The following MAP3K15 variants were observed in gnomAD, a reference collection of about 807,000 sequenced individuals.
MAP3K15 encodes the protein MAPK/ERK kinase kinase 15.
Under a neutral mutation model 99.5 loss-of-function variants are expected in MAP3K15, and 124 were observed. The observed-to-expected ratio is 1.25, with a 90% confidence interval of 1.08 to 1.45. The LOEUF (loss-of-function observed/expected upper bound fraction) is 1.45, where lower values mean the gene tolerates loss of function less well. MAP3K15 is among the 40% of genes most tolerant of loss of function. The pLI is 0.00. For missense variants in MAP3K15, 1,242 were observed against 1,079.7 expected (o/e 1.15, Z -2.11); for synonymous variants, 494 against 439.6 (o/e 1.12, Z -1.55).
intron 6 of MAP3K15, among the ~76,000 whole-genome samples, chrX:19,445,950 A>AAATC (rs151227342): frequency 3.8e-4 from 4 of 10,454 alleles, no homozygotes; most frequent in South Asian, 0.013. Flanking sequence ...TCCATCTCAA[A>AAATC]AATCAATAAA....
In MAP3K15 at chrX:19,362,731, GACTT is replaced by G; in HGVS notation, c.3679+3_3679+6del. 2 of 1,021,741 alleles carry G rather than the reference GACTT, an allele frequency of 2.0e-6. No homozygotes were observed. Among genetic ancestry groups the G allele is most frequent in the Non-Finnish European group, 2.7e-6 (2 of 731,147 alleles). 84.2% of individuals were successfully genotyped at this position (1,021,741 alleles called of 1,213,427 possible). ...GTTAAAGTCTGTCTCATTGGAAAAT[GACTT>G]ACAATTCGATTTTAATTTTAACTGA... On this transcript the variant is annotated splice_donor_5th_base_variant and intron_variant, in intron 26 of 28. Transcript: ENST00000338883.
chrX:19,380,709 A>G (rs1164357353), intron 18 of MAP3K15, among the ~76,000 whole-genome samples: 1 of 112,086 alleles, frequency 8.9e-6, no homozygotes, highest in Non-Finnish European at 1.9e-5. Context: ...TATTTTTAGT[A>G]GAGACGAGGT....
intron 25 of MAP3K15, among the ~76,000 whole-genome samples, chrX:19,364,000 A>G (rs1230799019): frequency 1.8e-5 from 2 of 111,468 alleles, no homozygotes; most frequent in African/African-American, 6.5e-5. Flanking sequence ...TGAGTGAGAC[A>G]TGCTGCTCTG....
At chrX:19,443,022 CTTTTTTTTTTTTTTTTT>C (rs35963207) in intron 6 of MAP3K15, among the ~76,000 whole-genome samples, 1 of 17,237 alleles carries the variant, frequency 5.8e-5, no homozygotes, top group Non-Finnish European at 8.9e-5. Context: ...CCATGCCCGG[CTTTTTTTTTTTTTTTTT>C]TTTTTTTTTT....
intron 15 of MAP3K15, 133 bp from the exon 16 acceptor site, chrX:19,395,341 G>T: frequency 3.1e-6 from 2 of 640,419 alleles, no homozygotes; most frequent in Non-Finnish European, 4.7e-6. Context: ...TGGCTTCCAT[G>T]AAACTATTCA....
At chrX:19,478,543 G>C (rs2064268522) in intron 3 of MAP3K15, among the ~76,000 whole-genome samples, 1 of 109,454 alleles carries the variant, frequency 9.1e-6, no homozygotes, top group Admixed American at 9.7e-5. Flanking sequence ...ATGTTCCTAA[G>C]CCAGAGGAGA....
intron 3 of MAP3K15, chrX:19,466,672 T>C (rs774152589): frequency 8.9e-6 from 1 of 112,246 alleles, no homozygotes; most frequent in African/African-American, 3.2e-5. Context: ...ACACCTGAAA[T>C]TGGTTGATGT....
At chrX:19,496,801 C>A (rs948951777) in intron 1 of MAP3K15, 2 of 111,672 alleles carry the variant, frequency 1.8e-5, no homozygotes, top group African/African-American at 6.5e-5. Context: ...CCTTAAAGAT[C>A]ATCACTAAGC....
At chrX:19,467,365 G>A (rs748436394) in intron 3 of MAP3K15, among the ~76,000 whole-genome samples, 5 of 110,431 alleles carry the variant, frequency 4.5e-5, no homozygotes, top group African/African-American at 1.3e-4. Context: ...CTTATTCCTC[G>A]CAGCCTGATA....
chrX:19,393,366 C>T (rs2063540623), intron 16 of MAP3K15, among the ~76,000 whole-genome samples: 1 of 112,175 alleles, frequency 8.9e-6, no homozygotes, highest in Non-Finnish European at 1.9e-5. Flanking sequence ...CACGGTGGCT[C>T]ACGCCTGTAA....
chrX:19,507,080 G>C (rs1440425695), intron 1 of MAP3K15, among the ~76,000 whole-genome samples: 1 of 111,795 alleles, frequency 8.9e-6, no homozygotes, highest in Non-Finnish European at 1.9e-5. Context: ...GCAGTTAATA[G>C]CTAACTCAAG....
At chrX:19,470,436 G>A (rs769006935) in intron 3 of MAP3K15, among the ~76,000 whole-genome samples, 1 of 109,929 alleles carries the variant, frequency 9.1e-6, no homozygotes, top group South Asian at 4.0e-4. Flanking sequence ...AGCATTAGGT[G>A]CTATACCTAA....
intron 22 of MAP3K15, among the ~76,000 whole-genome samples, chrX:19,372,252 C>T (rs765966723): frequency 2.7e-5 from 3 of 111,849 alleles, no homozygotes; most frequent in South Asian, 3.7e-4. Flanking sequence ...AACCACCCTC[C>T]CCAAGGTGGC....
At chrX:19,430,488 T>C (rs2063872229) in intron 7 of MAP3K15, among the ~76,000 whole-genome samples, 1 of 111,762 alleles carries the variant, frequency 8.9e-6, no homozygotes, top group South Asian at 3.7e-4. Context: ...TCATGAAAAA[T>C]CATAATCATT....
chrX:19,453,432 G>A (rs947115404), intron 6 of MAP3K15, among the ~76,000 whole-genome samples: 2 of 108,257 alleles, frequency 1.8e-5, no homozygotes, highest in African/African-American at 6.8e-5. Context: ...CCCGGGAGGC[G>A]AAGGTTGCAG....
rs2063267651 is a variant in MAP3K15, at chrX:19,360,353, G to A, written c.*396C>T. On this transcript the variant is annotated 3_prime_UTR_variant, in exon 29 of 29. Transcript: ENST00000338883. Reference sequence around the variant, plus strand: ...TTGTTTCACCATTCCAGCAAGTGCTGAAGGGTGTACTTTTTTTGAGACAGG... The same window carrying A: ...TTGTTTCACCATTCCAGCAAGTGCTAAAGGGTGTACTTTTTTTGAGACAGG... 6.4e-6 allele frequency: 1 copy of A among 156,190 alleles called. No individual in the cohort carries two copies. The allele number at this position is 156,190 out of a possible 1,213,427, so 12.9% of individuals were successfully genotyped here. A position where few individuals can be genotyped will look rare whatever the true frequency, so the allele number is the denominator to read the frequency against.
rs1189800973 is a variant in MAP3K15, at chrX:19,490,182, C to CACAT, written c.362-1219_362-1216dup. The stretch of plus-strand genomic sequence containing the variant: ...ACACACACACACACACACACACACA[C>CACAT]ACATACATACAAAAATTCCTTAACA... On this transcript the variant is annotated intron_variant, in intron 1 of 28. Coordinates refer to ENST00000338883, the MANE Select transcript of MAP3K15 (RefSeq NM_001001671.4). Among the ~76,000 whole-genome samples, 5 of 95,517 alleles carry CACAT rather than the reference C, an allele frequency of 5.2e-5. No homozygotes were observed. The East Asian group carries it at 1.2e-3, about 23-fold the overall frequency. The allele number at this position is 95,517 out of a possible 115,157, so 82.9% of individuals were successfully genotyped here.
rs758642919 is a variant in MAP3K15, at chrX:19,395,070, C to T, written c.2194+11G>A. ...TTCAGAATGTGAGACCAGAAGACAG[C>T]GACTACTCACCTCCAGGCACCTGCT... On this transcript the variant is annotated intron_variant, in intron 16 of 28. Transcript: ENST00000338883. 1.8e-5 allele frequency: 21 copies of T among 1,199,390 alleles called. No individual in the cohort carries two copies. The Admixed American group carries it at 2.4e-4, about 14-fold the overall frequency.
At chrX:19,511,369 CAG>C (rs1242764965) in intron 1 of MAP3K15, among the ~76,000 whole-genome samples, 2 of 111,875 alleles carry the variant, frequency 1.8e-5, no homozygotes, top group Non-Finnish European at 3.8e-5. Flanking sequence ...AAACTATCAT[CAG>C]AGTGAACAGG....
Sources: gnomAD v4.1 joint callset for allele counts (sites outside exome capture counted in the v4.1 genomes callset) on GRCh38, gnomAD v4.1.1 for gene constraint, MANE v1.5 for transcripts, NCBI Gene and HGNC (gene_info 2026-07-23, HGNC 2026-07-21) for gene names.